The following KSR1 variants were observed in gnomAD, a reference collection of about 807,000 sequenced individuals.
The protein encoded by KSR1 is kinase suppressor of ras.
KSR1 carries 35 observed loss-of-function variants against 92.9 expected under a neutral mutation model. That is an observed-to-expected ratio of 0.38 (90% CI 0.29 to 0.50). The LOEUF (loss-of-function observed/expected upper bound fraction) is 0.50, where lower values mean the gene tolerates loss of function less well. Among genes scored for constraint, KSR1 ranks in the 20% least tolerant of loss-of-function variants. The pLI, the probability that KSR1 is intolerant of heterozygous loss-of-function variation, is 0.94. For synonymous variants in KSR1, 467 were observed against 472.6 expected (o/e 0.99, Z 0.15); for missense variants, 972 against 1,158.5 (o/e 0.84, Z 2.34).
At chr17:27,532,237 TTG>T (rs1483554822) in intron 1 of KSR1, among the ~76,000 whole-genome samples, 1 of 152,208 alleles carries the variant, frequency 6.6e-6, no homozygotes, top group Non-Finnish European at 1.5e-5. Flanking sequence ...ATGGGGCCAA[TTG>T]CAAAGGTCAG....
chr17:27,537,978 A>G (rs1247575252), intron 1 of KSR1, among the ~76,000 whole-genome samples: 4 of 152,268 alleles, frequency 2.6e-5, no homozygotes, highest in African/African-American at 4.8e-5. Flanking sequence ...AAGCACAAAC[A>G]AACAGACAAA....
chr17:27,550,749 G>C (rs762270301), intron 2 of KSR1, 41 bp downstream of exon 2: 1 of 746,184 alleles, frequency 1.3e-6, no homozygotes, highest in Non-Finnish European at 2.5e-6. Flanking sequence ...GGCATGAGGG[G>C]CCAAGCAGAG....
chr17:27,517,139 A>G (rs1567784031), intron 1 of KSR1, among the ~76,000 whole-genome samples: 1 of 152,194 alleles, frequency 6.6e-6, no homozygotes, highest in East Asian at 1.9e-4. Context: ...GATCCTGAAA[A>G]GATTAACTGA....
In KSR1 at chr17:27,582,988, C is replaced by T. The variant is rs746791967; in HGVS notation, c.863C>T (p.Thr288Met). The T allele has an allele frequency of 1.0e-5, 16 of 1,606,634 alleles. No individual in the cohort carries two copies. Among genetic ancestry groups the T allele is most frequent in the African/African-American group, 1.4e-5 (1 of 73,986 alleles). ...RRHTKLKPPR[T>M]PPPPSRKVFQ... is the part of the protein sequence containing the mutation. ...CACACCAAGCTGAAGCCACCACGGACGCCCCCCCCACCCAGCCGCAAGGTC... is the reference window on the plus strand; with the variant it reads ...CACACCAAGCTGAAGCCACCACGGATGCCCCCCCCACCCAGCCGCAAGGTC... The change falls in exon 4 of 21, where the codon ACG becomes ATG. Residue 288 changes from threonine (T) to methionine (M), a missense_variant. Coordinates refer to ENST00000644974, the MANE Select transcript of KSR1 (RefSeq NM_001394583.1).
rs2070331938 is a variant in KSR1 at position 27,527,025 on chromosome 17, T to C, written c.232-23543T>C. On this transcript the variant is annotated intron_variant, in intron 1 of 20. Transcript: ENST00000644974. ...CCAGCCCTTCTTCAGCTGTTTGAAA[T>C]CCGGCAGGGACAGCTCGGCTGAGAG... 6.1e-6 allele frequency: 3 copies of C among 488,008 alleles called. 1 individual carries two copies. In the South Asian group the frequency reaches 6.9e-5, roughly 11 times the overall value. 30.2% of individuals were successfully genotyped at this position (488,008 alleles called of 1,614,324 possible). A position where few individuals can be genotyped will look rare whatever the true frequency, so the allele number is the denominator to read the frequency against.
chr17:27,533,641 CA>C (rs2070636524), intron 1 of KSR1, among the ~76,000 whole-genome samples: 1 of 152,146 alleles, frequency 6.6e-6, no homozygotes, highest in Admixed American at 6.5e-5. Flanking sequence ...CTCGGCCTCC[CA>C]AAGTGTTGGG....
At chr17:27,554,399 C>T (rs1317591500) in intron 2 of KSR1, among the ~76,000 whole-genome samples, 1 of 152,232 alleles carries the variant, frequency 6.6e-6, no homozygotes, top group African/African-American at 2.4e-5. Context: ...GGCCACACAG[C>T]AGGAGGAACG....
chr17:27,526,731 G>T (rs552052287), intron 1 of KSR1: 11 of 1,291,952 alleles, frequency 8.5e-6, no homozygotes, highest in Non-Finnish European at 1.2e-5. Context: ...GTCCTCTCAC[G>T]TGTTGGAAAA....
intron 1 of KSR1, chr17:27,472,077 C>G (rs891989677): frequency 3.3e-5 from 5 of 152,206 alleles, no homozygotes; most frequent in African/African-American, 1.2e-4. Flanking sequence ...GCTGCTGATA[C>G]TAGGTATGAG....
chr17:27,469,900 A>G (rs2019890818), intron 1 of KSR1, among the ~76,000 whole-genome samples: 1 of 152,020 alleles, frequency 6.6e-6, no homozygotes, highest in African/African-American at 2.4e-5. Context: ...AATCGTCTTT[A>G]TATAGGCGCT....
intron 2 of KSR1, among the ~76,000 whole-genome samples, chr17:27,552,000 C>T (rs2071413906): frequency 6.6e-6 from 1 of 152,234 alleles, no homozygotes; most frequent in African/African-American, 2.4e-5. Flanking sequence ...TCACCTTCTC[C>T]TTTGCTCGGT....
intron 1 of KSR1, among the ~76,000 whole-genome samples, chr17:27,485,232 T>C (rs1313885603): frequency 6.6e-6 from 1 of 152,254 alleles, no homozygotes; most frequent in Non-Finnish European, 1.5e-5. Context: ...CAGCCTGGCA[T>C]GGTGTCCACA....
intron 16 of KSR1, chr17:27,609,807 G>A (rs2073865189): frequency 2.5e-6 from 1 of 404,014 alleles, no homozygotes; most frequent in Non-Finnish European, 4.5e-6. Flanking sequence ...AGGGAGCTGG[G>A]CACCTTCACC....
intron 1 of KSR1, among the ~76,000 whole-genome samples, chr17:27,494,699 AC>A (rs2068927224): frequency 6.6e-6 from 1 of 152,238 alleles, no homozygotes; most frequent in Admixed American, 6.5e-5. Context: ...CAGTTTAAAA[AC>A]CAACTAGACA....
intron 2 of KSR1, among the ~76,000 whole-genome samples, chr17:27,563,941 T>C (rs1473067263): frequency 6.6e-6 from 1 of 152,024 alleles, no homozygotes; most frequent in African/African-American, 2.4e-5. Context: ...CAATTATGTA[T>C]TTTAGCTATT....
chr17:27,541,997 A>G (rs893567643), intron 1 of KSR1, among the ~76,000 whole-genome samples: 2 of 152,240 alleles, frequency 1.3e-5, no homozygotes, highest in Non-Finnish European at 2.9e-5. Context: ...TACACAGTAC[A>G]TCCCATCAGA....
At chr17:27,526,094 T>TTCTTTCTTTCTTTCTTTCTCTCTCTCTC (rs55706224) in intron 1 of KSR1, among the ~76,000 whole-genome samples, 1 of 118,402 alleles carries the variant, frequency 8.4e-6, no homozygotes, top group African/African-American at 3.6e-5. Flanking sequence ...CTTTCTTTCT[T>TTCTTTCTTTCTTTCTTTCTCTCTCTCTC]TCTCTCTCTC....
At chr17:27,467,519 A>G (rs1885582274) in intron 1 of KSR1, among the ~76,000 whole-genome samples, 1 of 152,204 alleles carries the variant, frequency 6.6e-6, no homozygotes, top group African/African-American at 2.4e-5. Flanking sequence ...ATTTCTTTGA[A>G]TGTTCCTAAG....
At chr17:27,457,381 CA>C (rs1343703963) in intron 1 of KSR1, among the ~76,000 whole-genome samples, 1 of 152,204 alleles carries the variant, frequency 6.6e-6, no homozygotes, top group African/African-American at 2.4e-5. Flanking sequence ...GCCGCCTTTT[CA>C]AAAAGTGTTG....
Sources: gnomAD v4.1 joint callset for allele counts (sites outside exome capture counted in the v4.1 genomes callset) on GRCh38, gnomAD v4.1.1 for gene constraint, MANE v1.5 for transcripts, NCBI Gene and HGNC (gene_info 2026-07-23, HGNC 2026-07-21) for gene names.